Variants in SHCBP1 observed in about 807,000 individuals in gnomAD.
SHCBP1 encodes the protein SHC SH2 domain-binding protein 1.
Under a neutral mutation model 75.1 loss-of-function variants are expected in SHCBP1, and 60 were observed. The observed-to-expected ratio is 0.80, with a 90% CI of 0.65 to 0.99. The LOEUF is 0.99. Among genes scored for constraint, SHCBP1 ranks in the 50% least tolerant of loss-of-function variants. The probability of loss-of-function intolerance (pLI) is 0.00; values close to 1 mark genes in which losing one functional copy is unlikely to be tolerated. For missense variants in SHCBP1, 709 were observed against 809.4 expected, an observed-to-expected ratio of 0.88 and a Z score of 1.50; for synonymous variants, 290 against 293.2, an observed-to-expected ratio of 0.99 and a Z score of 0.11.
Position 46,604,391 on chromosome 16 carries a change from A to G in SHCBP1, c.760T>C (p.Cys254Arg), listed in dbSNP as rs747730910. Reference protein sequence around the residue: ...IVDYHNLLSQCEESYRKFLNL... With the variant: ...IVDYHNLLSQREESYRKFLNL... ...AAAAATTTCCTGTAACTCTCCTCAC[A>G]TTGAGACAACAGATTGTGGTAGTCA... Residue 254 changes from cysteine to arginine, a missense_variant, in exon 6 of 13, where the codon TGT becomes CGT. Transcript: ENST00000303383. The G allele has an allele frequency of 9.3e-6, 15 of 1,614,182 alleles. No individual in the cohort carries two copies. The highest frequency in any genetic ancestry group is 1.2e-5 in the Non-Finnish European group (14 of 1,180,010).
intron 4 of SHCBP1, among the ~76,000 whole-genome samples, chr16:46,612,621 C>T (rs1000956804): frequency 1.3e-5 from 2 of 152,138 alleles, no homozygotes; most frequent in Admixed American, 1.3e-4. Flanking sequence ...TCTCCTGCCT[C>T]AGAGCCGTTG....
At chr16:46,617,505 TA>T (rs34949348) in intron 3 of SHCBP1, 128 bp downstream of exon 3, 638,568 of 647,806 alleles carry the variant, frequency 0.99, 315,328 homozygotes, top group East Asian at 1. Context: ...ACATGGCAAT[TA>T]GATGTGAAAA....
intron 10 of SHCBP1, among the ~76,000 whole-genome samples, chr16:46,586,788 C>T (rs1964960612): frequency 6.6e-6 from 1 of 152,028 alleles, no homozygotes; most frequent in South Asian, 2.1e-4. Flanking sequence ...ATGAAAGACA[C>T]ACAGTATTGT....
intron 4 of SHCBP1, among the ~76,000 whole-genome samples, chr16:46,611,373 G>T (rs964995379): frequency 6.6e-6 from 1 of 152,238 alleles, no homozygotes; most frequent in Non-Finnish European, 1.5e-5. Flanking sequence ...ATCGCTCAGT[G>T]AGCCCACTAT....
At chr16:46,596,965 T>C (rs946502720) in intron 9 of SHCBP1, among the ~76,000 whole-genome samples, 3 of 152,032 alleles carry the variant, frequency 2.0e-5, no homozygotes, top group Non-Finnish European at 2.9e-5. Flanking sequence ...TGACCTCAGG[T>C]GATCCACCCT....
At position 46,581,911 on chromosome 16, in the gene SHCBP1, C is replaced by T. The variant is rs1964877656; in HGVS notation, c.1837G>A (p.Glu613Lys). ...GCAGCAATTAGTTCATTTACAATTTCACAATTTCCCTCGACTTGCTCAGAA... is the reference window on the plus strand; with the variant it reads ...GCAGCAATTAGTTCATTTACAATTTTACAATTTCCCTCGACTTGCTCAGAA... ...DPSEQVEGNC[E>K]IVNELIAAST... Residue 613 changes from glutamate (E) to lysine (K), a missense_variant, in exon 13 of 13, where the codon GAA becomes AAA. By Grantham distance (56) the Glu-to-Lys change is moderately conservative. Coordinates refer to ENST00000303383, the MANE Select transcript of SHCBP1 (RefSeq NM_024745.5). The T allele has an allele frequency of 6.2e-7, 1 of 1,614,164 alleles. No homozygotes were observed. The highest frequency in any genetic ancestry group is 1.7e-5 in the Admixed American group (1 of 60,006).
At chr16:46,615,880 C>G in intron 4 of SHCBP1, 66 bp downstream of exon 4, 2 of 1,504,830 alleles carry the variant, frequency 1.3e-6, no homozygotes, top group South Asian at 2.3e-5. Context: ...TAACACAGAC[C>G]AGAATTACTT....
At chr16:46,584,221 G>T in intron 10 of SHCBP1, 132 bp from the exon 11 acceptor site, 1 of 521,392 alleles carries the variant, frequency 1.9e-6, no homozygotes, top group Non-Finnish European at 3.2e-6. Context: ...TTACAGATAA[G>T]TTTTACCAGC....
At position 46,617,867 on chromosome 16, in the gene SHCBP1, C is replaced by G. The variant is rs1454740828; in HGVS notation, c.272-118G>C. ...GGGACTGAAATAGATAATCTACTTG[C>G]AAACTAAAAAGATAAAAGATGCAAA... On this transcript the variant is annotated intron_variant, in intron 2 of 12. Transcript: ENST00000303383. The G allele has an allele frequency of 1.7e-5, 14 of 815,580 alleles. No individual in the cohort carries two copies. In the East Asian group the frequency reaches 3.6e-4, roughly 21 times the overall value. The allele number at this position is 815,580 out of a possible 1,614,324, so 50.5% of individuals were successfully genotyped here.
rs1964857652 is a variant in SHCBP1 at position 46,580,757 on chromosome 16, T to G, written c.*972A>C. ...GTAAGAGAAAAATACTTTTTTTTTTTTTTGAGACTGGGTCTCGCTCTGTCG... is the reference window on the plus strand; with the variant it reads ...GTAAGAGAAAAATACTTTTTTTTTTGTTTGAGACTGGGTCTCGCTCTGTCG... On this transcript the variant is annotated 3_prime_UTR_variant, in exon 13 of 13. Transcript: ENST00000303383. The G allele has an allele frequency of 6.6e-6, 1 of 152,080 alleles. No homozygotes were observed. Among genetic ancestry groups the G allele is most frequent in the South Asian group, 2.1e-4 (1 of 4,818 alleles). 9.4% of individuals were successfully genotyped at this position (152,080 alleles called of 1,614,324 possible).
In SHCBP1 at chr16:46,617,954, G is replaced by C. The variant is rs539945658; in HGVS notation, c.272-205C>G. Reference sequence around the variant, plus strand: ...GCACTTTGGGAGGCCGAGGCAGGGGGATCACCTGAGGTCGGGAGTTCAAGA... The same window carrying C: ...GCACTTTGGGAGGCCGAGGCAGGGGCATCACCTGAGGTCGGGAGTTCAAGA... On this transcript the variant is annotated intron_variant, in intron 2 of 12. Coordinates refer to ENST00000303383, the MANE Select transcript of SHCBP1 (RefSeq NM_024745.5). 1.4e-4 allele frequency among the ~76,000 whole-genome samples: 22 copies of C among 152,310 alleles called. 1 individual carries two copies. The South Asian group carries it at 3.5e-3, about 24-fold the overall frequency.
chr16:46,614,457 A>G (rs991579842), intron 4 of SHCBP1, among the ~76,000 whole-genome samples: 1 of 152,230 alleles, frequency 6.6e-6, no homozygotes, highest in Non-Finnish European at 1.5e-5. Flanking sequence ...AAGATACAAA[A>G]TAACTATCTA....
In SHCBP1 at chr16:46,604,146, T is replaced by G. The variant is rs189062018; in HGVS notation, c.924-3A>C. 2.6e-3 allele frequency: 4,202 copies of G among 1,613,642 alleles called. 16 individuals carry two copies. Among genetic ancestry groups the G allele is most frequent in the Non-Finnish European group, 3.2e-3 (3,789 of 1,179,890 alleles). ...TCTTCTGATAACCAAACACATACCT[T>G]AAAGAAACGAAACAGGCCTATCAGT... On this transcript the variant is annotated splice_region_variant and splice_polypyrimidine_tract_variant and intron_variant, in intron 6 of 12. Coordinates refer to ENST00000303383, the MANE Select transcript of SHCBP1 (RefSeq NM_024745.5).
At position 46,616,632 on chromosome 16, in the gene SHCBP1, G is replaced by A. The variant is rs935278217; in HGVS notation, c.388-478C>T. ...ATGAGGTGAGAAAGAGAGGCAACGA[G>A]ACCAGGACATGAAGGACATCTGAAG... On this transcript the variant is annotated intron_variant, in intron 3 of 12. Coordinates refer to ENST00000303383, the MANE Select transcript of SHCBP1 (RefSeq NM_024745.5). The surrounding 1 kb of genome is among the most constrained non-coding windows in gnomAD (Gnocchi z 4.4). 6.6e-6 allele frequency among the ~76,000 whole-genome samples: 1 copy of A among 152,128 alleles called. No individual in the cohort carries two copies. Among genetic ancestry groups the A allele is most frequent in the Admixed American group, 6.6e-5 (1 of 15,264 alleles).
chr16:46,607,680 T>G (rs545395155), intron 5 of SHCBP1, among the ~76,000 whole-genome samples: 33 of 152,330 alleles, frequency 2.2e-4, no homozygotes, highest in African/African-American at 7.9e-4. Context: ...ATGAAGTTAC[T>G]GCTTATGAAT....
intron 1 of SHCBP1, chr16:46,620,904 T>C (rs1251089268): frequency 4.6e-6 from 1 of 217,598 alleles, no homozygotes. Flanking sequence ...TGATCTCCTT[T>C]GAGATGCAGA....
Position 46,604,323 on chromosome 16 carries a change from C to T in SHCBP1, c.828G>A (p.Glu276=). The change falls in exon 6 of 13, where the codon GAG becomes GAA. Residue 276 remains glutamate, a synonymous_variant. Coordinates refer to ENST00000303383, the MANE Select transcript of SHCBP1 (RefSeq NM_024745.5). The part of the protein sequence containing the change: ...SSLSNCNSDS[E]QENISMVEGL... ...CTTCCACCATGGAGATATTTTCCTG[C>T]TCGGAATCAGAGTTACAATTTGACA... 2 of 1,614,190 alleles carry T rather than the reference C, an allele frequency of 1.2e-6. No individual in the cohort carries two copies. The highest frequency in any genetic ancestry group is 1.7e-6 in the Non-Finnish European group (2 of 1,180,034).
intron 5 of SHCBP1, among the ~76,000 whole-genome samples, chr16:46,605,819 T>C (rs2143000806): frequency 6.6e-6 from 1 of 152,202 alleles, no homozygotes; most frequent in African/African-American, 2.4e-5. Context: ...TAAACAAATT[T>C]ACATCAGACT....
intron 10 of SHCBP1, among the ~76,000 whole-genome samples, chr16:46,593,548 T>C (rs530751857): frequency 2.0e-5 from 3 of 152,166 alleles, no homozygotes; most frequent in East Asian, 1.9e-4. Flanking sequence ...CTAGGCAACA[T>C]GGCAAGACCC....
Sources: gnomAD v4.1 joint callset for allele counts (sites outside exome capture counted in the v4.1 genomes callset) on GRCh38, gnomAD v4.1.1 for gene constraint, Gnocchi (gnomAD v3.1) non-coding constraint, MANE v1.5 for transcripts, NCBI Gene and HGNC (gene_info 2026-07-23, HGNC 2026-07-21) for gene names.